FGF14: variants seen among roughly 807,000 people sequenced by gnomAD.
The protein encoded by FGF14 is fibroblast growth factor 14.
In FGF14, 5 loss-of-function variants were observed where a neutral mutation model predicts 25.5. The observed-to-expected ratio is 0.20, with a 90% confidence interval of 0.10 to 0.41. The LOEUF (loss-of-function observed/expected upper bound fraction) is 0.41, where lower values mean the gene tolerates loss of function less well. Ranked by LOEUF, FGF14 falls within the 10% of genes least tolerant of loss-of-function variation. The pLI, the probability that FGF14 is intolerant of heterozygous loss-of-function variation, is 1.00. For synonymous variants in FGF14, 138 were observed against 118.3 expected, an observed-to-expected ratio of 1.17 and a Z score of -1.08; for missense variants, 222 against 320.1, an observed-to-expected ratio of 0.69 and a Z score of 2.34.
At chr13:101,827,426 A>G (rs2042441342) in intron 3 of FGF14, among the ~76,000 whole-genome samples, 1 of 151,946 alleles carries the variant, frequency 6.6e-6, no homozygotes, top group Non-Finnish European at 1.5e-5. Context: ...AATAAATGTG[A>G]GTTTTTATAT....
intron 1 of FGF14, among the ~76,000 whole-genome samples, chr13:102,385,073 C>T (rs549920561): frequency 2.0e-5 from 3 of 152,094 alleles, no homozygotes; most frequent in South Asian, 4.2e-4. Flanking sequence ...CAATGATATA[C>T]GATATGTTAA....
intron 1 of FGF14, among the ~76,000 whole-genome samples, chr13:101,942,443 T>A (rs2035515230): frequency 6.6e-6 from 1 of 152,248 alleles, no homozygotes; most frequent in African/African-American, 2.4e-5. Context: ...TTTTCACAGT[T>A]AAAAATTTAG....
intron 1 of FGF14, among the ~76,000 whole-genome samples, chr13:102,059,850 C>CA (rs369142564): frequency 2.3e-4 from 32 of 137,584 alleles, no homozygotes; most frequent in African/African-American, 9.4e-4. Context: ...GACTCCATCT[C>CA]AAAAAAACAA....
At chr13:102,279,315 C>T (rs1408125742) in intron 1 of FGF14, among the ~76,000 whole-genome samples, 2 of 152,014 alleles carry the variant, frequency 1.3e-5, no homozygotes, top group African/African-American at 2.4e-5. Context: ...TGGTAGGTAC[C>T]ATCATACATA....
intron 1 of FGF14, among the ~76,000 whole-genome samples, chr13:102,209,372 C>A (rs1189060086): frequency 6.6e-6 from 1 of 152,166 alleles, no homozygotes; most frequent in Admixed American, 6.5e-5. Flanking sequence ...CAGAAACAGT[C>A]AAAAACTGTT....
At chr13:101,780,678 C>G (rs1005816507) in intron 3 of FGF14, among the ~76,000 whole-genome samples, 1 of 151,870 alleles carries the variant, frequency 6.6e-6, no homozygotes. Context: ...TTTAAGAAAC[C>G]CTTATTAAAC....
chr13:102,047,573 G>A (rs1308474067), intron 1 of FGF14, among the ~76,000 whole-genome samples: 23 of 152,002 alleles, frequency 1.5e-4, no homozygotes, highest in Admixed American at 9.2e-4. Context: ...GCAAACTATC[G>A]CAAGGACAAA....
At chr13:101,771,535 G>A (rs1364458902) in intron 3 of FGF14, among the ~76,000 whole-genome samples, 1 of 152,036 alleles carries the variant, frequency 6.6e-6, no homozygotes, top group African/African-American at 2.4e-5. Context: ...GGCATTGACA[G>A]CTTCAATAAA....
rs75247271 is a variant in FGF14 at position 102,347,093 on chromosome 13, T to C, written c.208+54378A>G. The stretch of plus-strand genomic sequence containing the variant: ...GCAGAGCCCAAAAATAAAGGGGAAA[T>C]ACATGGTGAGATGCATGACCATGGC... On this transcript the variant is annotated intron_variant, in intron 1 of 4. Coordinates refer to the FGF14 transcript ENST00000376131. 4.5e-3 allele frequency among the ~76,000 whole-genome samples: 686 copies of C among 152,134 alleles called. 9 individuals are homozygous for C. Among genetic ancestry groups the C allele is most frequent in the African/African-American group, 0.016 (646 of 41,494 alleles).
chr13:102,392,550 C>G (rs1231730405), intron 1 of FGF14, among the ~76,000 whole-genome samples: 3 of 152,144 alleles, frequency 2.0e-5, no homozygotes, highest in Admixed American at 6.5e-5. Context: ...TTGTCTAAGT[C>G]TCCTACTTGC....
At chr13:102,054,565 T>C (rs1232154905) in intron 1 of FGF14, among the ~76,000 whole-genome samples, 1 of 152,192 alleles carries the variant, frequency 6.6e-6, no homozygotes, top group Admixed American at 6.5e-5. Context: ...CAATTTTAAT[T>C]ACAGAGTCAG....
chr13:101,784,660 A>G (rs564877570), intron 3 of FGF14, among the ~76,000 whole-genome samples: 1 of 152,234 alleles, frequency 6.6e-6, no homozygotes, highest in Non-Finnish European at 1.5e-5. Flanking sequence ...TAATCTTCCC[A>G]TTTCCCAGCT....
At chr13:102,222,303 G>A (rs1166277441) in intron 1 of FGF14, among the ~76,000 whole-genome samples, 1 of 152,152 alleles carries the variant, frequency 6.6e-6, no homozygotes, top group Non-Finnish European at 1.5e-5. Flanking sequence ...TTGATTGCTA[G>A]ATCTTCTGGC....
intron 3 of FGF14, among the ~76,000 whole-genome samples, chr13:101,829,202 T>C (rs374146536): frequency 3.3e-5 from 5 of 152,252 alleles, no homozygotes; most frequent in African/African-American, 1.2e-4. Flanking sequence ...AGAAACCAGC[T>C]AGCTCACAGC....
intron 1 of FGF14, among the ~76,000 whole-genome samples, chr13:102,359,587 A>T (rs542629693): frequency 7.9e-5 from 12 of 152,336 alleles, no homozygotes; most frequent in African/African-American, 2.9e-4. Context: ...AAATAATATG[A>T]TCAATTTGAA....
At chr13:102,265,114 C>T (rs1594638690) in intron 1 of FGF14, among the ~76,000 whole-genome samples, 2 of 152,090 alleles carry the variant, frequency 1.3e-5, no homozygotes, top group Non-Finnish European at 2.9e-5. Flanking sequence ...AATGCCTTTT[C>T]TCTCTCTTTA....
At chr13:101,949,114 T>C (rs2035996296) in intron 1 of FGF14, among the ~76,000 whole-genome samples, 2 of 152,166 alleles carry the variant, frequency 1.3e-5, no homozygotes, top group South Asian at 2.1e-4. Context: ...TCACCAGTGG[T>C]TTGTCCATTT....
At chr13:102,161,622 G>GAAGAAC (rs2047700069) in intron 1 of FGF14, among the ~76,000 whole-genome samples, 1 of 5,042 alleles carries the variant, frequency 2.0e-4, no homozygotes, top group Non-Finnish European at 3.4e-4. Context: ...AGAAGAAGAA[G>GAAGAAC]AAGAAGAAGA....
chr13:101,956,879 G>A (rs1200589137), intron 1 of FGF14, among the ~76,000 whole-genome samples: 1 of 151,326 alleles, frequency 6.6e-6, no homozygotes, highest in African/African-American at 2.4e-5. Context: ...TCCTTCCTTT[G>A]TTTTTGTTTT....
Sources: gnomAD v4.1 joint callset for allele counts (sites outside exome capture counted in the v4.1 genomes callset) on GRCh38, gnomAD v4.1.1 for gene constraint, MANE v1.5 for transcripts, NCBI Gene and HGNC (gene_info 2026-07-23, HGNC 2026-07-21) for gene names.